The following RIMS1 variants were observed in gnomAD, a reference collection of about 807,000 sequenced individuals.
RIMS1 encodes regulating synaptic membrane exocytosis 1.
Under a neutral mutation model 214.1 loss-of-function variants are expected in RIMS1, and 83 were observed. The ratio of observed to expected loss-of-function variants is 0.39; its 90% CI spans 0.32 to 0.47. The LOEUF is 0.47. RIMS1 is among the 20% of genes least tolerant of loss of function. The pLI is 0.99. For synonymous variants in RIMS1, 793 were observed against 786.8 expected, an observed-to-expected ratio of 1.01 and a Z score of -0.13; for missense variants, 2,050 against 2,161.8, an observed-to-expected ratio of 0.95 and a Z score of 1.03.
In RIMS1 at chr6:71,968,972, A is replaced by G. The variant is rs772508312; in HGVS notation, c.165-11A>G. 1.2e-5 allele frequency: 19 copies of G among 1,613,252 alleles called. 1 individual carries two copies. The highest frequency in any genetic ancestry group is 1.6e-5 in the Non-Finnish European group (19 of 1,179,326). ...TTAATAGTGCGTTGTGCTGTCTATC[A>G]TGCGCCCCAGGTGTGTTGTCAGGGA... is the stretch of plus-strand genomic sequence containing the variant. On this transcript the variant is annotated splice_polypyrimidine_tract_variant and intron_variant, in intron 1 of 33. Coordinates refer to ENST00000521978, the MANE Select transcript of RIMS1 (RefSeq NM_014989.7).
intron 4 of RIMS1, among the ~76,000 whole-genome samples, chr6:72,135,907 C>G (rs899301509): frequency 6.6e-6 from 1 of 151,972 alleles, no homozygotes; most frequent in African/African-American, 2.4e-5. Flanking sequence ...AGAAAATAAC[C>G]CTATTACCTG....
In RIMS1 at chr6:72,154,474, C is replaced by T. The variant is rs369523801; in HGVS notation, c.472-25101C>T. Among the ~76,000 whole-genome samples, 10 of 140,598 alleles carry T rather than the reference C, an allele frequency of 7.1e-5. 2 individuals carry two copies. In the East Asian group the frequency reaches 1.2e-3, roughly 17 times the overall value. 92.2% of individuals were successfully genotyped at this position (140,598 alleles called of 152,430 possible). On this transcript the variant is annotated intron_variant, in intron 4 of 33. Coordinates refer to ENST00000521978, the MANE Select transcript of RIMS1 (RefSeq NM_014989.7). The stretch of plus-strand genomic sequence containing the variant: ...AAAAATCTAAAGACTAATGTAAAGG[C>T]AAAAATACGTCAAAACATAATATGA...
rs767476134 is a variant in RIMS1 at position 72,290,741 on chromosome 6, T to C, written c.3617T>C (p.Val1206Ala). The change falls in exon 25 of 34, where the codon GTC becomes GCC. Residue 1206 changes from valine (V) to alanine (A), a missense_variant. This residue lies in a region of RIMS1 where 889 missense variants were observed against 885.5 expected (regional missense o/e 1.00). Transcript: ENST00000521978. ...GCCCCAAGAGCAACTGATCAGCCAG[T>C]CATTAGGGGAAAACATCCTGCTCGC... is the stretch of plus-strand genomic sequence containing the variant. ...HAAPRATDQPVIRGKHPARSR... is the reference protein window; with the variant it reads ...HAAPRATDQPAIRGKHPARSR... The C allele has an allele frequency of 3.7e-6, 6 of 1,613,654 alleles. No homozygotes were observed. The highest frequency in any genetic ancestry group is 4.2e-6 in the Non-Finnish European group (5 of 1,179,772).
chr6:72,190,733 C>G (rs961627942), intron 6 of RIMS1, among the ~76,000 whole-genome samples: 2 of 152,222 alleles, frequency 1.3e-5, no homozygotes, highest in East Asian at 3.9e-4. Flanking sequence ...GCCTCAGGAC[C>G]TGCTTGAGCC....
At chr6:72,061,108 A>G (rs746021221) in intron 2 of RIMS1, among the ~76,000 whole-genome samples, 3 of 152,200 alleles carry the variant, frequency 2.0e-5, no homozygotes, top group Non-Finnish European at 4.4e-5. Flanking sequence ...TATATAATCA[A>G]ATATTTGACC....
intron 2 of RIMS1, among the ~76,000 whole-genome samples, chr6:72,020,290 G>T (rs1814213464): frequency 6.6e-6 from 1 of 152,146 alleles, no homozygotes; most frequent in Non-Finnish European, 1.5e-5. Context: ...TGTCTGCATT[G>T]CAAAATCCTT....
At position 72,395,391 on chromosome 6, in the gene RIMS1, AAAG is replaced by A. The variant is rs147185775; in HGVS notation, c.4618+2586_4618+2588del. On this transcript the variant is annotated intron_variant, in intron 31 of 33. Transcript: ENST00000521978. The stretch of plus-strand genomic sequence containing the variant: ...CATCATCTCAAGTCATGAAGAAGAA[AAAG>A]AAGATTACCTAAAATAAAAAACATG... 9.5e-3 allele frequency among the ~76,000 whole-genome samples: 1,453 copies of A among 152,194 alleles called. 19 individuals are homozygous for A. The highest frequency in any genetic ancestry group is 0.033 in the African/African-American group (1,360 of 41,578).
intron 2 of RIMS1, among the ~76,000 whole-genome samples, chr6:72,016,185 G>C (rs999401082): frequency 1.3e-5 from 2 of 151,922 alleles, no homozygotes; most frequent in Admixed American, 1.3e-4. Context: ...TCTTTTTTAC[G>C]TGTGGCTGGA....
intron 2 of RIMS1, among the ~76,000 whole-genome samples, chr6:72,082,630 A>G (rs1220708349): frequency 6.6e-6 from 1 of 152,128 alleles, no homozygotes; most frequent in African/African-American, 2.4e-5. Flanking sequence ...TTGTGCACTC[A>G]CTTCTTGGGG....
At chr6:72,354,498 G>A (rs1198928852) in intron 29 of RIMS1, among the ~76,000 whole-genome samples, 2 of 152,132 alleles carry the variant, frequency 1.3e-5, no homozygotes, top group Admixed American at 1.3e-4. Context: ...AATGATTACA[G>A]AGCACATCTT....
At chr6:71,963,771 A>G (rs1793660902) in intron 1 of RIMS1, among the ~76,000 whole-genome samples, 1 of 152,194 alleles carries the variant, frequency 6.6e-6, no homozygotes, top group Admixed American at 6.5e-5. Context: ...AATATTTTAT[A>G]GAAACTTGCT....
intron 6 of RIMS1, among the ~76,000 whole-genome samples, chr6:72,213,796 A>G (rs2054473484): frequency 6.6e-6 from 1 of 152,234 alleles, no homozygotes; most frequent in East Asian, 1.9e-4. Context: ...CAAATGGAAT[A>G]TATGAAGCAA....
intron 29 of RIMS1, among the ~76,000 whole-genome samples, chr6:72,376,332 A>AT (rs1382170819): frequency 6.6e-6 from 1 of 152,006 alleles, no homozygotes; most frequent in Non-Finnish European, 1.5e-5. Flanking sequence ...GGGTCTATAG[A>AT]TTTTCCCAGT....
chr6:72,051,823 A>T lies in RIMS1; in HGVS notation c.246-45126A>T, dbSNP rs572685064. On this transcript the variant is annotated intron_variant, in intron 2 of 33. Coordinates refer to ENST00000521978, the MANE Select transcript of RIMS1 (RefSeq NM_014989.7). ...TGTCTAATTAACTACAAAAGTGGTT[A>T]ATCTTGCAAAGTATTATATAATTTA... 2.7e-4 allele frequency among the ~76,000 whole-genome samples: 41 copies of T among 152,312 alleles called. 1 individual carries two copies. The South Asian group carries it at 8.3e-3, about 31-fold the overall frequency.
intron 2 of RIMS1, among the ~76,000 whole-genome samples, chr6:71,992,529 CCCT>C (rs1488050094): frequency 4.8e-5 from 7 of 147,112 alleles, no homozygotes; most frequent in African/African-American, 7.6e-5. Flanking sequence ...CTTCCTCCTC[CCCT>C]CCTCCTCTTC....
intron 21 of RIMS1, 64 bp from the exon 22 acceptor site, chr6:72,265,896 G>C: frequency 1.7e-6 from 2 of 1,145,640 alleles, no homozygotes; most frequent in Non-Finnish European, 2.5e-6. Context: ...CTCTAACATG[G>C]TCTTCCTTTC....
chr6:72,251,139 G>A (rs2073106467), intron 14 of RIMS1, 47 bp downstream of exon 14: 3 of 1,553,530 alleles, frequency 1.9e-6, no homozygotes, highest in South Asian at 1.2e-5. Flanking sequence ...ATAAAGTTTT[G>A]TGATATTTAT....
At chr6:72,052,225 A>T (rs1400235476) in intron 2 of RIMS1, among the ~76,000 whole-genome samples, 1 of 152,218 alleles carries the variant, frequency 6.6e-6, no homozygotes, top group East Asian at 1.9e-4. Flanking sequence ...AAGCTCCTCC[A>T]GCTTGCTTGG....
chr6:72,057,498 C>CTTTTTTTTTT lies in RIMS1; in HGVS notation c.246-39441_246-39432dup, dbSNP rs56115719. On this transcript the variant is annotated intron_variant, in intron 2 of 33. Coordinates refer to ENST00000521978, the MANE Select transcript of RIMS1 (RefSeq NM_014989.7). Reference sequence around the variant, plus strand: ...GTCCAAATCAGTACACCTTCTTTTTCTTTTTTTTTTTTTTTTTTTCTTTTT... The same window carrying CTTTTTTTTTT: ...GTCCAAATCAGTACACCTTCTTTTTCTTTTTTTTTTTTTTTTTTTTTTTTTTTTTCTTTTT... Among the ~76,000 whole-genome samples the CTTTTTTTTTT allele has an allele frequency of 5.8e-3, 727 of 126,210 alleles. 1 individual carries two copies. The highest frequency in any genetic ancestry group is 8.5e-3 in the Middle Eastern group (2 of 234). 82.8% of individuals were successfully genotyped at this position (126,210 alleles called of 152,430 possible).
Sources: gnomAD v4.1 joint callset for allele counts (sites outside exome capture counted in the v4.1 genomes callset) on GRCh38, gnomAD v4.1.1 for gene constraint, gnomAD v4.1.1 regional missense constraint, MANE v1.5 for transcripts, NCBI Gene and HGNC (gene_info 2026-07-23, HGNC 2026-07-21) for gene names.